The following CDIN1 variants were observed in gnomAD, a reference collection of about 807,000 sequenced individuals.
CDIN1 encodes the protein CDAN1-interacting nuclease 1.
In CDIN1, 33 loss-of-function variants were observed where a neutral mutation model predicts 45.3. The observed-to-expected ratio is 0.73, with a 90% confidence interval of 0.55 to 0.97. The LOEUF is 0.97. Ranked by LOEUF, CDIN1 falls within the 50% of genes least tolerant of loss-of-function variation. The pLI, the probability that CDIN1 is intolerant of heterozygous loss-of-function variation, is 0.00. For missense variants in CDIN1, 303 were observed against 339.4 expected (o/e 0.89, Z 0.84); for synonymous variants, 118 against 124.4 (o/e 0.95, Z 0.34).
chr15:36,800,859 ATGTG>A (rs1175053288), intron 10 of CDIN1, among the ~76,000 whole-genome samples: 5 of 93,758 alleles, frequency 5.3e-5, no homozygotes, highest in South Asian at 8.4e-4. Flanking sequence ...GATTATACAT[ATGTG>A]TGTGTGTGTG....
intron 3 of CDIN1, among the ~76,000 whole-genome samples, chr15:36,653,054 G>A (rs895045995): frequency 6.6e-6 from 1 of 152,074 alleles, no homozygotes; most frequent in African/African-American, 2.4e-5. Flanking sequence ...AAAGTACTTG[G>A]TAGGCATAAT....
chr15:36,600,710 C>T (rs1433274260), intron 1 of CDIN1, among the ~76,000 whole-genome samples: 1 of 152,020 alleles, frequency 6.6e-6, no homozygotes, highest in Non-Finnish European at 1.5e-5. Context: ...ACTTTGGTGG[C>T]AGTGTGAAAA....
chr15:36,710,278 T>C (rs2043010399), intron 10 of CDIN1, among the ~76,000 whole-genome samples: 1 of 152,160 alleles, frequency 6.6e-6, no homozygotes, highest in African/African-American at 2.4e-5. Context: ...GACACTGAAC[T>C]TTTATCCTTT....
chr15:36,645,021 C>G (rs1200239475), intron 2 of CDIN1, among the ~76,000 whole-genome samples: 2 of 152,066 alleles, frequency 1.3e-5, no homozygotes, highest in East Asian at 1.9e-4. Context: ...CTGAAGACAT[C>G]CCAGCCAAGC....
intron 10 of CDIN1, among the ~76,000 whole-genome samples, chr15:36,790,513 C>A (rs908232767): frequency 3.3e-5 from 5 of 152,118 alleles, no homozygotes; most frequent in South Asian, 2.1e-4. Flanking sequence ...TTTAACGTAG[C>A]TAGAAAAGAG....
At chr15:36,737,695 A>G (rs753163149) in intron 10 of CDIN1, among the ~76,000 whole-genome samples, 2 of 152,208 alleles carry the variant, frequency 1.3e-5, no homozygotes, top group East Asian at 3.8e-4. Context: ...GTCAGAGGAC[A>G]ATCACTTAAT....
rs897044542 is a variant in CDIN1 at position 36,617,326 on chromosome 15, A to G, written c.102-26952A>G. 22 of 1,453,588 alleles carry G rather than the reference A, an allele frequency of 1.5e-5. No homozygotes were observed. The Admixed American group carries it at 2.0e-4, about 13-fold the overall frequency. The allele number at this position is 1,453,588 out of a possible 1,614,324, so 90.0% of individuals were successfully genotyped here. On this transcript the variant is annotated intron_variant, in intron 1 of 10. Coordinates refer to ENST00000566621, the MANE Select transcript of CDIN1 (RefSeq NM_001321759.2). ...GTGTTCTTTGTCTTGTGAAACCACA[A>G]GAAATACTACAGGCATTGAAGAATC...
rs150242955 is a variant in CDIN1, at chr15:36,649,232, G to A, written c.212+3945G>A. Among the ~76,000 whole-genome samples, 70 of 152,226 alleles carry A rather than the reference G, an allele frequency of 4.6e-4. 2 individuals are homozygous for A. The East Asian group carries it at 0.012, about 26-fold the overall frequency. The stretch of plus-strand genomic sequence containing the variant: ...TTGCAGTTTTCACACTGGTATAATG[G>A]TTTGCTTCTGTCTCCAGCTAGCCTG... On this transcript the variant is annotated intron_variant, in intron 3 of 10. Transcript: ENST00000566621.
At chr15:36,581,314 TCTCC>T (rs2037032373) in intron 1 of CDIN1, among the ~76,000 whole-genome samples, 1 of 152,176 alleles carries the variant, frequency 6.6e-6, no homozygotes, top group Non-Finnish European at 1.5e-5. Context: ...TTTCTCTTCC[TCTCC>T]CTCTTTTTCT....
intron 10 of CDIN1, among the ~76,000 whole-genome samples, chr15:36,737,181 A>AG (rs2044059204): frequency 6.7e-6 from 1 of 148,566 alleles, no homozygotes; most frequent in African/African-American, 2.5e-5. Context: ...AAAAAAAAAA[A>AG]CAAAAATTGC....
chr15:36,777,031 A>G (rs997868112), intron 10 of CDIN1, among the ~76,000 whole-genome samples: 2 of 152,144 alleles, frequency 1.3e-5, no homozygotes, highest in Non-Finnish European at 2.9e-5. Flanking sequence ...TCTTAAGGTT[A>G]TATAATTTTA....
chr15:36,744,236 T>C (rs1445582558), intron 10 of CDIN1, among the ~76,000 whole-genome samples: 1 of 152,154 alleles, frequency 6.6e-6, no homozygotes, highest in East Asian at 1.9e-4. Context: ...AGGCCTCTGG[T>C]CCATACCCAC....
intron 10 of CDIN1, among the ~76,000 whole-genome samples, chr15:36,750,040 T>G (rs1174430017): frequency 6.6e-6 from 1 of 152,096 alleles, no homozygotes; most frequent in Non-Finnish European, 1.5e-5. Flanking sequence ...AGCACTTCAC[T>G]TCTTCCTGAG....
At chr15:36,602,776 G>A (rs1011190532) in intron 1 of CDIN1, among the ~76,000 whole-genome samples, 3 of 151,986 alleles carry the variant, frequency 2.0e-5, no homozygotes, top group Middle Eastern at 3.2e-3. Context: ...ATCGAGGCTC[G>A]AGCCATCCTA....
intron 10 of CDIN1, among the ~76,000 whole-genome samples, chr15:36,807,690 T>C (rs541711536): frequency 6.6e-6 from 1 of 152,278 alleles, no homozygotes; most frequent in African/African-American, 2.4e-5. Flanking sequence ...TATGACCTTA[T>C]TCCTCATTTC....
chr15:36,687,746 C>A (rs1274960387), intron 5 of CDIN1, among the ~76,000 whole-genome samples: 1 of 151,914 alleles, frequency 6.6e-6, no homozygotes, highest in Non-Finnish European at 1.5e-5. Context: ...TTGGATAATA[C>A]CATTAAAATC....
chr15:36,804,817 C>T (rs111477096), intron 10 of CDIN1, among the ~76,000 whole-genome samples: 4,445 of 151,044 alleles, frequency 0.029, 230 homozygotes, highest in African/African-American at 0.1. Flanking sequence ...GGACTACAGG[C>T]GAGCACCACC....
chr15:36,616,930 AAT>A (rs568046719), intron 1 of CDIN1, among the ~76,000 whole-genome samples: 5 of 151,382 alleles, frequency 3.3e-5, no homozygotes, highest in East Asian at 1.9e-4. Flanking sequence ...GTGTCAAAAA[AAT>A]ATATATATAT....
At chr15:36,784,795 T>C (rs75103240) in intron 10 of CDIN1, among the ~76,000 whole-genome samples, 1,903 of 152,274 alleles carry the variant, frequency 0.012, 37 homozygotes, top group African/African-American at 0.043. Flanking sequence ...TCCTCCTCTT[T>C]GCTACTTTTT....
Sources: allele counts gnomAD v4.1 joint callset (sites outside exome capture counted in the v4.1 genomes callset), GRCh38; gene constraint gnomAD v4.1.1; transcripts MANE v1.5; gene names NCBI Gene and HGNC (gene_info 2026-07-23, HGNC 2026-07-21).